TRAPPC9: variants seen among roughly 807,000 people sequenced by gnomAD.
TRAPPC9 encodes the protein trafficking protein particle complex subunit 9.
In TRAPPC9, 83 loss-of-function variants were observed where a neutral mutation model predicts 124.0. The ratio of observed to expected loss-of-function variants is 0.67; its 90% confidence interval spans 0.56 to 0.80. The LOEUF (loss-of-function observed/expected upper bound fraction) is 0.80. Among genes scored for constraint, TRAPPC9 ranks in the 30% least tolerant of loss-of-function variants. The pLI, the probability that TRAPPC9 is intolerant of heterozygous loss-of-function variation, is 0.00. For missense variants in TRAPPC9, 1,302 were observed against 1,508.3 expected, an observed-to-expected ratio of 0.86 and a Z score of 2.27; for synonymous variants, 638 against 617.5, an observed-to-expected ratio of 1.03 and a Z score of -0.49.
intron 14 of TRAPPC9, among the ~76,000 whole-genome samples, chr8:140,283,352 T>C (rs1272095458): frequency 4.5e-5 from 6 of 133,190 alleles, no homozygotes; most frequent in Non-Finnish European, 6.2e-5. Flanking sequence ...TGGAGTGCAG[T>C]GGCGCGATCT....
At chr8:140,029,762 G>A (rs1457228405) in intron 17 of TRAPPC9, among the ~76,000 whole-genome samples, 1 of 151,508 alleles carries the variant, frequency 6.6e-6, no homozygotes, top group Non-Finnish European at 1.5e-5. Context: ...TTAGCAATTA[G>A]AAAAAAGGAG....
chr8:139,875,237 G>A (rs888288931), intron 21 of TRAPPC9, among the ~76,000 whole-genome samples: 4 of 152,238 alleles, frequency 2.6e-5, no homozygotes, highest in Admixed American at 2.0e-4. Flanking sequence ...GGCTGCCTGG[G>A]TTCAGATGGG....
chr8:139,948,343 G>T (rs1204062711), intron 19 of TRAPPC9, among the ~76,000 whole-genome samples: 1 of 151,652 alleles, frequency 6.6e-6, no homozygotes, highest in East Asian at 1.9e-4. Context: ...CTGCCCTGGT[G>T]TTCACACCCT....
chr8:139,908,670 G>C (rs1023871806), intron 20 of TRAPPC9: 2 of 152,354 alleles, frequency 1.3e-5, no homozygotes, highest in African/African-American at 4.8e-5. Context: ...TTCCTTCATG[G>C]GAGCCACAGT....
At chr8:140,226,115 G>A (rs1185676942) in intron 16 of TRAPPC9, among the ~76,000 whole-genome samples, 18 of 152,134 alleles carry the variant, frequency 1.2e-4, no homozygotes, top group Admixed American at 1.2e-3. Flanking sequence ...ATGTGGTTCT[G>A]GTGGGATCAA....
In TRAPPC9 at chr8:139,776,147, T is replaced by G. The variant is rs558331586; in HGVS notation, c.3056-43945A>C. On this transcript the variant is annotated intron_variant, in intron 21 of 22. Coordinates refer to ENST00000438773, the MANE Select transcript of TRAPPC9 (RefSeq NM_001160372.4). This position sits in a 1 kb window ranked among gnomAD's most constrained non-coding sequence, Gnocchi z 4.1. ...GCTGGACTCTGCCAGGACCACGTGC[T>G]AGTCATGGGGGCTTGGGACCCAGCC... Among the ~76,000 whole-genome samples, 2 of 152,304 alleles carry G rather than the reference T, an allele frequency of 1.3e-5. No individual in the cohort carries two copies. The highest frequency in any genetic ancestry group is 6.5e-5 in the Admixed American group (1 of 15,298).
At chr8:139,734,882 C>T (rs1818055084) in intron 21 of TRAPPC9, among the ~76,000 whole-genome samples, 1 of 152,240 alleles carries the variant, frequency 6.6e-6, no homozygotes, top group South Asian at 2.1e-4. Context: ...GAGGAAAGGA[C>T]ACCTTTCTCT....
rs2064287179 is a variant in TRAPPC9, at chr8:140,257,255, A to T, written c.2279-4326T>A. Among the ~76,000 whole-genome samples the T allele has an allele frequency of 6.6e-6, 1 of 152,216 alleles. No individual in the cohort carries two copies. On this transcript the variant is annotated intron_variant, in intron 15 of 22. Coordinates refer to ENST00000438773, the MANE Select transcript of TRAPPC9 (RefSeq NM_001160372.4). The surrounding 1 kb of genome is among the most constrained non-coding windows in gnomAD (Gnocchi z 4.6). ...AAAGCTAGGATGTCCCAGAGTCAAGAGGTGAACCCTGGCCCTCACACCCAT... is the reference window on the plus strand; with the variant it reads ...AAAGCTAGGATGTCCCAGAGTCAAGTGGTGAACCCTGGCCCTCACACCCAT...
chr8:140,139,926 T>C (rs1442813357), intron 17 of TRAPPC9, among the ~76,000 whole-genome samples: 1 of 152,240 alleles, frequency 6.6e-6, no homozygotes, highest in Non-Finnish European at 1.5e-5. Flanking sequence ...TGCATTTTTC[T>C]GAGTTTATGC....
At chr8:140,445,015 A>G (rs1326412850) in intron 2 of TRAPPC9, among the ~76,000 whole-genome samples, 1 of 152,088 alleles carries the variant, frequency 6.6e-6, no homozygotes, top group Non-Finnish European at 1.5e-5. Context: ...CACAGGCTAC[A>G]TACTGCCAAC....
Position 140,221,576 on chromosome 8 carries a change from G to A in TRAPPC9, c.2439C>T (p.Ile813=), listed in dbSNP as rs769157936. The stretch of plus-strand genomic sequence containing the variant: ...TGGACAGGGGAAAGCCACTCACACT[G>A]ATTCCATCTACAAAATAAGAACAAA... The part of the protein sequence containing the change: ...NLLQDLSDDG[I]SVSGFPLSSP... Residue 813 remains isoleucine, a synonymous_variant, in exon 17 of 23, where the codon ATC becomes ATT. Transcript: ENST00000438773. The A allele has an allele frequency of 1.2e-6, 2 of 1,613,896 alleles. No individual in the cohort carries two copies. The highest frequency in any genetic ancestry group is 1.1e-5 in the South Asian group (1 of 91,042).
intron 7 of TRAPPC9, among the ~76,000 whole-genome samples, chr8:140,389,940 T>C (rs1243936697): frequency 6.6e-6 from 1 of 151,528 alleles, no homozygotes; most frequent in Non-Finnish European, 1.5e-5. Flanking sequence ...ATGTCTGCCA[T>C]GAAGTAGATG....
intron 17 of TRAPPC9, among the ~76,000 whole-genome samples, chr8:140,033,681 T>TTTTG (rs1554611631): frequency 3.4e-5 from 4 of 117,318 alleles, no homozygotes; most frequent in East Asian, 5.0e-4. Flanking sequence ...TTTTTTTTTT[T>TTTTG]TTTTTTTTTT....
intron 21 of TRAPPC9, among the ~76,000 whole-genome samples, chr8:139,864,801 T>G (rs559168111): frequency 6.6e-6 from 1 of 152,210 alleles, no homozygotes; most frequent in Non-Finnish European, 1.5e-5. Flanking sequence ...GGACCCAGAC[T>G]GGCTCATCTG....
chr8:140,134,200 C>T (rs1000892678), intron 17 of TRAPPC9, among the ~76,000 whole-genome samples: 1 of 152,158 alleles, frequency 6.6e-6, no homozygotes, highest in South Asian at 2.1e-4. Context: ...AATAGACACA[C>T]AGACCAAGAG....
chr8:140,386,198 C>G (rs1363672896), intron 7 of TRAPPC9, among the ~76,000 whole-genome samples: 1 of 152,134 alleles, frequency 6.6e-6, no homozygotes, highest in Non-Finnish European at 1.5e-5. Context: ...ATGACAAACC[C>G]ACAGCCAACA....
chr8:140,102,725 G>A (rs2060600946), intron 17 of TRAPPC9, among the ~76,000 whole-genome samples: 1 of 152,236 alleles, frequency 6.6e-6, no homozygotes, highest in South Asian at 2.1e-4. Flanking sequence ...TTTTTCAGGA[G>A]GCCGGCCTGC....
intron 20 of TRAPPC9, among the ~76,000 whole-genome samples, chr8:139,902,411 C>T (rs544737483): frequency 6.6e-6 from 1 of 152,364 alleles, no homozygotes; most frequent in Non-Finnish European, 1.5e-5. Context: ...GGACGTCTCT[C>T]TGTGGCTGAC....
rs572030499 is a variant in TRAPPC9, at chr8:139,830,536, GCACA to G, written c.3055+55339_3055+55342del. The stretch of plus-strand genomic sequence containing the variant: ...CACACATGAATACATATACACACAT[GCACA>G]CACAAACGAGCAAGCACATGCAAAT... On this transcript the variant is annotated intron_variant, in intron 21 of 22. Transcript: ENST00000438773. 4.0e-3 allele frequency among the ~76,000 whole-genome samples: 597 copies of G among 149,580 alleles called. 4 individuals are homozygous for G. The highest frequency in any genetic ancestry group is 0.014 in the African/African-American group (566 of 40,478).
Sources: gnomAD v4.1 joint callset for allele counts (sites outside exome capture counted in the v4.1 genomes callset) on GRCh38, gnomAD v4.1.1 for gene constraint, Gnocchi (gnomAD v3.1) non-coding constraint, MANE v1.5 for transcripts, NCBI Gene and HGNC (gene_info 2026-07-23, HGNC 2026-07-21) for gene names.